The following PTGR1 variants were observed in gnomAD, a reference collection of about 807,000 sequenced individuals.
The protein encoded by PTGR1 is prostaglandin reductase 1, also known as 15-oxoprostaglandin 13-reductase.
PTGR1 carries 23 observed loss-of-function variants against 37.7 expected under a neutral mutation model. The observed-to-expected ratio is 0.61, with a 90% CI of 0.44 to 0.86. The LOEUF (loss-of-function observed/expected upper bound fraction) is 0.86. Among genes scored for constraint, PTGR1 ranks in the 40% least tolerant of loss-of-function variants. PTGR1 has a pLI of 0.00. For synonymous variants in PTGR1, 134 were observed against 140.0 expected, an observed-to-expected ratio of 0.96 and a Z score of 0.30; for missense variants, 351 against 394.3, an observed-to-expected ratio of 0.89 and a Z score of 0.93.
intron 6 of PTGR1, among the ~76,000 whole-genome samples, chr9:111,580,489 C>T (rs1032470166): frequency 1.3e-5 from 2 of 152,148 alleles, no homozygotes; most frequent in African/African-American, 4.8e-5. Context: ...GGCGCGGTGG[C>T]TCACGCCTGT....
At chr9:111,593,139 G>C (rs1033296081) in intron 3 of PTGR1, among the ~76,000 whole-genome samples, 157 bp from the exon 4 acceptor site, 14 of 152,022 alleles carry the variant, frequency 9.2e-5, no homozygotes, top group African/African-American at 3.4e-4. Flanking sequence ...GACAGATGAA[G>C]GGCTACAACT....
intron 7 of PTGR1, among the ~76,000 whole-genome samples, chr9:111,575,995 A>G (rs747239847): frequency 3.3e-5 from 5 of 152,064 alleles, no homozygotes; most frequent in Non-Finnish European, 1.5e-5. Flanking sequence ...CTCTACAAAA[A>G]AAAAATACAT....
intron 9 of PTGR1, among the ~76,000 whole-genome samples, chr9:111,567,122 G>T (rs1828598661): frequency 6.6e-6 from 1 of 151,708 alleles, no homozygotes; most frequent in Non-Finnish European, 1.5e-5. Flanking sequence ...GTGGGATATG[G>T]AGGATCAAGA....
intron 8 of PTGR1, among the ~76,000 whole-genome samples, chr9:111,572,756 C>CAAAAAAA (rs58101079): frequency 1.3e-4 from 8 of 63,498 alleles, no homozygotes; most frequent in African/African-American, 3.8e-4. Flanking sequence ...GACCCTGTCT[C>CAAAAAAA]AAAAAAAAAA....
intron 1 of PTGR1, among the ~76,000 whole-genome samples, chr9:111,598,844 G>A (rs943014846): frequency 6.6e-5 from 10 of 151,918 alleles, no homozygotes; most frequent in Non-Finnish European, 1.5e-4. Flanking sequence ...CTGTTATTTC[G>A]AAATACACAT....
intron 4 of PTGR1, among the ~76,000 whole-genome samples, chr9:111,590,031 C>G (rs1589319106): frequency 6.6e-6 from 1 of 152,282 alleles, no homozygotes; most frequent in East Asian, 1.9e-4. Context: ...AATTTTATCA[C>G]ATAAAATTTT....
chr9:111,594,954 A>G (rs1829735491), intron 2 of PTGR1, among the ~76,000 whole-genome samples: 1 of 147,150 alleles, frequency 6.8e-6, no homozygotes, highest in Non-Finnish European at 1.5e-5. Flanking sequence ...TCCCAGGTTC[A>G]AGTGATTCTC....
chr9:111,580,863 T>A (rs921685365), intron 6 of PTGR1, among the ~76,000 whole-genome samples: 3 of 152,118 alleles, frequency 2.0e-5, no homozygotes, highest in Non-Finnish European at 2.9e-5. Context: ...GTTTCTAGCA[T>A]AGCGTCCCTA....
In PTGR1 at chr9:111,563,123, A is replaced by T; in HGVS notation, c.988T>A (p.Ter330ArgextTer14). ...CCAGATTCCATGTGTCCTCTTTTTCATGCTTTCACTATTGTCTTCCCCAAA... is the reference window on the plus strand; with the variant it reads ...CCAGATTCCATGTGTCCTCTTTTTCTTGCTTTCACTATTGTCTTCCCCAAA... ...DNLGKTIVKA* is the reference protein window; with the variant it reads ...DNLGKTIVKAR The change falls in exon 10 of 10, where the codon TGA (stop) becomes AGA (arginine). Residue 330 changes from the stop codon to arginine (R), a stop_lost. Transcript: ENST00000407693. 2 of 1,612,360 alleles carry T rather than the reference A, an allele frequency of 1.2e-6. No homozygotes were observed. Among genetic ancestry groups the T allele is most frequent in the Non-Finnish European group, 1.7e-6 (2 of 1,179,630 alleles).
At chr9:111,597,282 C>T (rs1829808460) in intron 2 of PTGR1, 35 bp downstream of exon 2, 1 of 1,479,442 alleles carries the variant, frequency 6.8e-7, no homozygotes, top group African/African-American at 1.4e-5. Context: ...TGATACAGTC[C>T]CTTCCAACTC....
chr9:111,574,554 G>A (rs764233139), intron 8 of PTGR1, among the ~76,000 whole-genome samples, 180 bp downstream of exon 8: 1 of 150,384 alleles, frequency 6.6e-6, no homozygotes, highest in African/African-American at 2.5e-5. Context: ...TTGCCATGTT[G>A]CCCAGGATGG....
chr9:111,561,108 T>TAGAGAGAG (rs1468727296), downstream of PTGR1, among the ~76,000 whole-genome samples: 47 of 20,858 alleles, frequency 2.3e-3, 1 homozygote, highest in African/African-American at 3.5e-3. Flanking sequence ...TATATATATA[T>TAGAGAGAG]ATAGAGAGAG....
intron 3 of PTGR1, 67 bp downstream of exon 3, chr9:111,594,155 A>G: frequency 7.0e-7 from 1 of 1,434,486 alleles, no homozygotes; most frequent in Non-Finnish European, 9.8e-7. Flanking sequence ...GATATTTTAG[A>G]AGATGAACTA....
intron 9 of PTGR1, among the ~76,000 whole-genome samples, chr9:111,568,883 G>A (rs1195664390): frequency 1.3e-5 from 2 of 152,164 alleles, no homozygotes; most frequent in Non-Finnish European, 2.9e-5. Flanking sequence ...GTGGTAGCAG[G>A]GAGGTGGGAG....
chr9:111,598,946 T>TC (rs1292263678), intron 1 of PTGR1, among the ~76,000 whole-genome samples: 1 of 151,534 alleles, frequency 6.6e-6, no homozygotes, highest in East Asian at 1.9e-4. Flanking sequence ...AAGCCCCCAT[T>TC]CCCCCCCGAA....
In PTGR1 at chr9:111,563,108, T is replaced by C. The variant is rs187160431; in HGVS notation, c.*13A>G. 2 of 1,611,882 alleles carry C rather than the reference T, an allele frequency of 1.2e-6. No homozygotes were observed. The highest frequency in any genetic ancestry group is 1.7e-6 in the Non-Finnish European group (2 of 1,179,458). Reference sequence around the variant, plus strand: ...TCATCTAAATGGCCTCCAGATTCCATGTGTCCTCTTTTTCATGCTTTCACT... The same window carrying C: ...TCATCTAAATGGCCTCCAGATTCCACGTGTCCTCTTTTTCATGCTTTCACT... On this transcript the variant is annotated 3_prime_UTR_variant, in exon 10 of 10. Coordinates refer to ENST00000407693, the MANE Select transcript of PTGR1 (RefSeq NM_001146108.2).
chr9:111,564,546 T>C (rs1036740066), intron 9 of PTGR1, among the ~76,000 whole-genome samples: 1 of 151,606 alleles, frequency 6.6e-6, no homozygotes, highest in Non-Finnish European at 1.5e-5. Context: ...GCTCAAGTGA[T>C]CCGCCCACCT....
intron 4 of PTGR1, among the ~76,000 whole-genome samples, chr9:111,586,784 T>G (rs1829442075): frequency 7.1e-6 from 1 of 140,550 alleles, no homozygotes; most frequent in Admixed American, 7.1e-5. Flanking sequence ...ACTTTTCCAC[T>G]CTCTCTCTCT....
At chr9:111,593,918 AG>A (rs11326470) in intron 3 of PTGR1, among the ~76,000 whole-genome samples, 53,909 of 145,986 alleles carry the variant, frequency 0.37, 10,543 homozygotes, top group African/African-American at 0.49. Flanking sequence ...TTTTCTTTTA[AG>A]GTTTTTTTTT....
Sources: gnomAD v4.1 joint callset for allele counts (sites outside exome capture counted in the v4.1 genomes callset) on GRCh38, gnomAD v4.1.1 for gene constraint, MANE v1.5 for transcripts, NCBI Gene and HGNC (gene_info 2026-07-23, HGNC 2026-07-21) for gene names.